TMEM50B: variants seen among roughly 807,000 people sequenced by gnomAD.
TMEM50B encodes the protein HCV p7-trans-regulated protein 3.
A neutral mutation model predicts 23.4 loss-of-function variants in TMEM50B; 14 were observed. That is an observed-to-expected ratio of 0.60 (90% CI 0.39 to 0.93). The LOEUF is 0.93. TMEM50B is among the 40% of genes least tolerant of loss of function. TMEM50B has a pLI of 0.00. For synonymous variants in TMEM50B, 64 were observed against 62.3 expected (o/e 1.03, Z -0.13); for missense variants, 159 against 193.0 (o/e 0.82, Z 1.04).
intron 4 of TMEM50B, among the ~76,000 whole-genome samples, chr21:33,464,388 C>CG (rs759546441): frequency 6.5e-4 from 98 of 151,260 alleles, no homozygotes; most frequent in Non-Finnish European, 1.2e-3. Flanking sequence ...TTAGTAGAGA[C>CG]GGGGTTTCTC....
intron 6 of TMEM50B, 137 bp from the exon 7 acceptor site, chr21:33,451,000 TG>T: frequency 1.5e-6 from 1 of 664,344 alleles, no homozygotes. Context: ...ATCATGGCAG[TG>T]TTGGTCTTAA....
rs186682208 is a variant in TMEM50B, at chr21:33,451,608, G to A, written c.432-745C>T. ...AAAGTGAGAGAGGATAAGGAGGCGG[G>A]AGCAGAGAGATGGGACACTCCAGGG... On this transcript the variant is annotated intron_variant, in intron 6 of 6. Coordinates refer to ENST00000542230, the MANE Select transcript of TMEM50B (RefSeq NM_006134.7). Among the ~76,000 whole-genome samples the A allele has an allele frequency of 5.9e-3, 903 of 152,196 alleles. 5 individuals carry two copies. The highest frequency in any genetic ancestry group is 0.021 in the African/African-American group (860 of 41,506).
At chr21:33,446,655 C>CA (rs869154931), downstream of TMEM50B, among the ~76,000 whole-genome samples, 515 of 19,184 alleles carry the variant, frequency 0.027, 69 homozygotes, top group African/African-American at 0.1. Context: ...CACACACACA[C>CA]AAAAAAAAAA....
intron 5 of TMEM50B, 44 bp downstream of exon 5, chr21:33,460,369 T>C: frequency 8.1e-7 from 1 of 1,233,412 alleles, no homozygotes; most frequent in South Asian, 1.2e-5. Context: ...ATAAAAGACA[T>C]ATCTGAATCT....
chr21:33,447,719 C>CAT (rs67698508), downstream of TMEM50B, among the ~76,000 whole-genome samples: 145 of 77,818 alleles, frequency 1.9e-3, 1 homozygote, highest in Non-Finnish European at 3.2e-3. Context: ...CACACACACA[C>CAT]ATATATATAT....
chr21:33,457,578 G>A (rs2084180764), intron 5 of TMEM50B, among the ~76,000 whole-genome samples: 1 of 151,610 alleles, frequency 6.6e-6, no homozygotes, highest in South Asian at 2.1e-4. Flanking sequence ...TTGAACCCGG[G>A]AGGCAGAGGT....
chr21:33,477,992 G>A (rs370440745), intron 1 of TMEM50B, among the ~76,000 whole-genome samples: 4 of 151,402 alleles, frequency 2.6e-5, no homozygotes, highest in East Asian at 1.9e-4. Context: ...AAAATTAGCC[G>A]GGCGTGGTGG....
intron 6 of TMEM50B, among the ~76,000 whole-genome samples, chr21:33,452,037 TCAACTATGTCCACCTGAG>T (rs1308975605): frequency 6.6e-6 from 1 of 152,150 alleles, no homozygotes; most frequent in African/African-American, 2.4e-5. Flanking sequence ...GACACAGCTG[TCAACTATGTCCACCTGAG>T]CATACAAGGT....
At chr21:33,465,537 A>T (rs1182278205) in intron 3 of TMEM50B, 128 bp from the exon 4 acceptor site, 1 of 645,832 alleles carries the variant, frequency 1.5e-6, no homozygotes, top group African/African-American at 1.9e-5. Flanking sequence ...AATTTAACAT[A>T]TTTTTAACCT....
At chr21:33,474,536 C>A (rs970534365) in intron 1 of TMEM50B, among the ~76,000 whole-genome samples, 3 of 151,004 alleles carry the variant, frequency 2.0e-5, no homozygotes, top group African/African-American at 7.3e-5. Flanking sequence ...GTAATCCCAG[C>A]ACTTTGGGAG....
chr21:33,450,244 C>T lies in TMEM50B; in HGVS notation c.*574G>A, dbSNP rs916133187. 6.6e-6 allele frequency: 1 copy of T among 152,082 alleles called. No homozygotes were observed. The highest frequency in any genetic ancestry group is 6.6e-5 in the Admixed American group (1 of 15,236). The allele number at this position is 152,082 out of a possible 1,614,324, so 9.4% of individuals were successfully genotyped here. A position where few individuals can be genotyped will look rare whatever the true frequency, so the allele number is the denominator to read the frequency against. The stretch of plus-strand genomic sequence containing the variant: ...AGGGAGTTTCACTTTCTCCCCCAGG[C>T]TAGAGTGCAGTGGCGCAAACTCAGC... On this transcript the variant is annotated 3_prime_UTR_variant, in exon 7 of 7. Transcript: ENST00000542230.
At chr21:33,455,614 C>A in intron 6 of TMEM50B, 113 bp downstream of exon 6, 1 of 916,406 alleles carries the variant, frequency 1.1e-6, no homozygotes, top group Non-Finnish European at 1.7e-6. Context: ...AAAAGAAGTT[C>A]TATCATTGTA....
In TMEM50B at chr21:33,436,913, T is replaced by C. The variant is rs145474187; in HGVS notation, c.*2120+2301A>G. On this transcript the variant is annotated intron_variant and NMD_transcript_variant, in intron 8 of 8. Transcript: ENST00000420455. ...GATGACGTCTGGGACTCTGTGTCCA[T>C]TATCTCGTTTCCGGAAAAGGAGCAA... 6 of 1,613,904 alleles carry C rather than the reference T, an allele frequency of 3.7e-6. No individual in the cohort carries two copies. In the African/African-American group the frequency reaches 4.0e-5, roughly 11 times the overall value.
chr21:33,466,752 T>C (rs748152254), intron 3 of TMEM50B, among the ~76,000 whole-genome samples: 2 of 148,538 alleles, frequency 1.3e-5, no homozygotes, highest in Non-Finnish European at 3.0e-5. Context: ...TGACAAAATA[T>C]GTAACTGACC....
chr21:33,476,938 T>C (rs1330472934), intron 1 of TMEM50B, among the ~76,000 whole-genome samples: 1 of 151,852 alleles, frequency 6.6e-6, no homozygotes, highest in Non-Finnish European at 1.5e-5. Context: ...AAAATGTCCA[T>C]CAATAAGGAA....
chr21:33,478,621 CTG>C (rs2084396374), intron 1 of TMEM50B, among the ~76,000 whole-genome samples: 1 of 152,136 alleles, frequency 6.6e-6, no homozygotes, highest in Non-Finnish European at 1.5e-5. Context: ...AGTGGGAAGG[CTG>C]TGTCTCCGGA....
chr21:33,451,512 G>T (rs1021945609), intron 6 of TMEM50B, among the ~76,000 whole-genome samples: 3 of 152,266 alleles, frequency 2.0e-5, no homozygotes, highest in Admixed American at 2.0e-4. Context: ...TAGTTAGAGA[G>T]GTCAGGAAAG....
chr21:33,451,785 A>G (rs1236139139), intron 6 of TMEM50B, among the ~76,000 whole-genome samples: 1 of 152,186 alleles, frequency 6.6e-6, no homozygotes, highest in Non-Finnish European at 1.5e-5. Context: ...TGGAGTCCTA[A>G]GTACACATGA....
intron 5 of TMEM50B, among the ~76,000 whole-genome samples, chr21:33,458,627 T>C (rs1173835627): frequency 7.2e-5 from 11 of 152,176 alleles, no homozygotes; most frequent in Non-Finnish European, 7.4e-5. Context: ...TGCTAATGGG[T>C]ATGGCAGTGA....
Sources: allele counts gnomAD v4.1 joint callset (sites outside exome capture counted in the v4.1 genomes callset), GRCh38; gene constraint gnomAD v4.1.1; transcripts MANE v1.5; gene names NCBI Gene and HGNC (gene_info 2026-07-23, HGNC 2026-07-21).